PHACTR1: variants seen among roughly 807,000 people sequenced by gnomAD.
PHACTR1 encodes RPEL repeat containing 1.
PHACTR1 carries 16 observed loss-of-function variants against 69.2 expected under a neutral mutation model. That is an observed-to-expected ratio of 0.23 (90% confidence interval 0.16 to 0.35). The LOEUF is 0.35. PHACTR1 is among the 10% of genes least tolerant of loss of function. PHACTR1 has a pLI of 1.00. For synonymous variants in PHACTR1, 312 were observed against 284.5 expected (o/e 1.10, Z -0.97); for missense variants, 510 against 734.7 (o/e 0.69, Z 3.54).
chr6:12,752,786 C>A (rs1166577797), intron 4 of PHACTR1, among the ~76,000 whole-genome samples: 1 of 151,960 alleles, frequency 6.6e-6, no homozygotes, highest in Non-Finnish European at 1.5e-5. Flanking sequence ...TATACTTCTT[C>A]ACCTACAGTG....
chr6:12,893,440 T>C (rs1253332782), intron 4 of PHACTR1, among the ~76,000 whole-genome samples: 1 of 152,240 alleles, frequency 6.6e-6, no homozygotes, highest in Non-Finnish European at 1.5e-5. Flanking sequence ...CTTGCTTTCA[T>C]TCATAAACTG....
intron 4 of PHACTR1, among the ~76,000 whole-genome samples, chr6:12,912,537 A>G (rs980039096): frequency 8.5e-5 from 13 of 152,222 alleles, no homozygotes; most frequent in African/African-American, 3.1e-4. Flanking sequence ...CAAGGGATGT[A>G]GATGTTACTC....
At chr6:12,897,493 G>T (rs190488428) in intron 4 of PHACTR1, among the ~76,000 whole-genome samples, 6 of 151,856 alleles carry the variant, frequency 4.0e-5, no homozygotes, top group Admixed American at 3.3e-4. Context: ...CACCAATCCT[G>T]CATCCTCTCA....
chr6:13,253,191 AT>A (rs1562072800), intron 10 of PHACTR1: 2 of 293,062 alleles, frequency 6.8e-6, no homozygotes, highest in Admixed American at 7.2e-5. Flanking sequence ...TGCGGGTGAC[AT>A]TTAAAACACA....
chr6:12,826,698 T>C (rs1236014072), intron 4 of PHACTR1, among the ~76,000 whole-genome samples: 1 of 152,226 alleles, frequency 6.6e-6, no homozygotes, highest in Non-Finnish European at 1.5e-5. Flanking sequence ...ATCTGAAATA[T>C]ACTGTGCTAG....
intron 4 of PHACTR1, among the ~76,000 whole-genome samples, chr6:12,982,795 G>A (rs1358870714): frequency 6.6e-6 from 1 of 152,136 alleles, no homozygotes; most frequent in Admixed American, 6.5e-5. Flanking sequence ...ATCACTTTTA[G>A]AGCCTCTGTT....
intron 5 of PHACTR1, among the ~76,000 whole-genome samples, chr6:13,126,789 T>G (rs1819604889): frequency 6.6e-6 from 1 of 152,242 alleles, no homozygotes. Flanking sequence ...ATGGTAGATA[T>G]GGAATTTGTG....
chr6:13,029,082 A>G (rs1264104946), intron 4 of PHACTR1, among the ~76,000 whole-genome samples: 4 of 152,164 alleles, frequency 2.6e-5, no homozygotes, highest in Non-Finnish European at 4.4e-5. Context: ...GATAGATACT[A>G]TTTATCTCAA....
intron 10 of PHACTR1, among the ~76,000 whole-genome samples, chr6:13,247,325 T>TTG (rs1313351753): frequency 2.9e-5 from 3 of 105,012 alleles, no homozygotes; most frequent in Non-Finnish European, 5.4e-5. Flanking sequence ...TCAAGTTCCC[T>TTG]CGTGTGTGTG....
intron 6 of PHACTR1, among the ~76,000 whole-genome samples, chr6:13,181,639 C>T (rs974453176): frequency 1.3e-5 from 2 of 152,176 alleles, no homozygotes; most frequent in South Asian, 2.1e-4. Context: ...CACTACGTGG[C>T]GTGATTGGTG....
At chr6:12,931,380 C>G (rs190475756) in intron 4 of PHACTR1, among the ~76,000 whole-genome samples, 277 of 152,248 alleles carry the variant, frequency 1.8e-3, no homozygotes, top group Non-Finnish European at 2.8e-3. Flanking sequence ...AAGTTGGCAA[C>G]TGTAGTTATA....
intron 5 of PHACTR1, among the ~76,000 whole-genome samples, chr6:13,086,855 T>A (rs1812400625): frequency 6.6e-6 from 1 of 152,120 alleles, no homozygotes; most frequent in Non-Finnish European, 1.5e-5. Flanking sequence ...ATTGTCATGC[T>A]GTGTTTGTAC....
intron 4 of PHACTR1, among the ~76,000 whole-genome samples, chr6:12,865,407 C>A (rs1781350238): frequency 6.6e-6 from 1 of 152,080 alleles, no homozygotes; most frequent in Non-Finnish European, 1.5e-5. Context: ...TGCCTTCTGT[C>A]TAGATTCCAA....
intron 4 of PHACTR1, among the ~76,000 whole-genome samples, chr6:12,987,071 A>G (rs764660275): frequency 2.0e-4 from 31 of 152,354 alleles, no homozygotes; most frequent in African/African-American, 7.2e-4. Context: ...CTATATATGT[A>G]TACACATATA....
At chr6:12,897,752 A>G (rs1784811727) in intron 4 of PHACTR1, among the ~76,000 whole-genome samples, 1 of 150,600 alleles carries the variant, frequency 6.6e-6, no homozygotes, top group Non-Finnish European at 1.5e-5. Context: ...TCTGGGGTAC[A>G]TGTGCAGAAC....
intron 4 of PHACTR1, among the ~76,000 whole-genome samples, chr6:12,863,913 T>C (rs912665701): frequency 6.6e-6 from 1 of 152,174 alleles, no homozygotes; most frequent in Non-Finnish European, 1.5e-5. Flanking sequence ...AGTTCATGAT[T>C]CATGAGATTA....
Position 13,003,950 on chromosome 6 carries a change from C to CATATATATATATATAT in PHACTR1, c.251-49415_251-49414insATATATATATATATAT, listed in dbSNP as rs1562119669. Among the ~76,000 whole-genome samples, 242 of 81,298 alleles carry CATATATATATATATAT rather than the reference C, an allele frequency of 3.0e-3. 17 individuals carry two copies. The highest frequency in any genetic ancestry group is 0.012 in the African/African-American group (196 of 15,756). 53.3% of individuals were successfully genotyped at this position (81,298 alleles called of 152,430 possible). A position where few individuals can be genotyped will look rare whatever the true frequency, so the allele number is the denominator to read the frequency against. Reference sequence around the variant, plus strand: ...TCTTTTTTTATGGCTCAGTAGTATTCCTATATATATATATGTATATATATA... The same window carrying CATATATATATATATAT: ...TCTTTTTTTATGGCTCAGTAGTATTCATATATATATATATATCTATATATATATATGTATATATATA... On this transcript the variant is annotated intron_variant, in intron 4 of 14. Coordinates refer to ENST00000332995, the MANE Select transcript of PHACTR1 (RefSeq NM_030948.6).
At chr6:12,821,293 C>G (rs1295720700) in intron 4 of PHACTR1, among the ~76,000 whole-genome samples, 1 of 152,006 alleles carries the variant, frequency 6.6e-6, no homozygotes, top group Non-Finnish European at 1.5e-5. Flanking sequence ...GAAACCCCGT[C>G]TCTACTAAAA....
chr6:12,951,794 A>G (rs1189693499), intron 4 of PHACTR1, among the ~76,000 whole-genome samples: 2 of 152,206 alleles, frequency 1.3e-5, no homozygotes, highest in African/African-American at 4.8e-5. Context: ...TTCTGTTGAC[A>G]TTGAGGCTAT....
Sources: gnomAD v4.1 joint callset for allele counts (sites outside exome capture counted in the v4.1 genomes callset) on GRCh38, gnomAD v4.1.1 for gene constraint, MANE v1.5 for transcripts, NCBI Gene and HGNC (gene_info 2026-07-23, HGNC 2026-07-21) for gene names.